The following COL5A3 variants were observed in gnomAD, a reference collection of about 807,000 sequenced individuals.
The protein encoded by COL5A3 is collagen alpha-3(V) chain.
In COL5A3, 172 loss-of-function variants were observed where a neutral mutation model predicts 250.0. The ratio of observed to expected loss-of-function variants is 0.69; its 90% confidence interval spans 0.61 to 0.78. The LOEUF (loss-of-function observed/expected upper bound fraction) is 0.78, where lower values mean the gene tolerates loss of function less well. COL5A3 is among the 30% of genes least tolerant of loss of function. The probability of loss-of-function intolerance (pLI) is 0.00; values close to 1 mark genes in which losing one functional copy is unlikely to be tolerated. For missense variants in COL5A3, 2,340 were observed against 2,334.4 expected (o/e 1.00, Z -0.05); for synonymous variants, 937 against 900.4 (o/e 1.04, Z -0.73).
intron 8 of COL5A3, 99 bp downstream of exon 8, chr19:10,001,425 G>A: frequency 8.1e-7 from 1 of 1,239,714 alleles, no homozygotes; most frequent in Non-Finnish European, 1.1e-6. Context: ...CGGATTACAG[G>A]CGGGAGCCAC....
chr19:9,981,871 T>TA (rs1387093588), intron 32 of COL5A3, among the ~76,000 whole-genome samples, 194 bp downstream of exon 32: 15 of 152,208 alleles, frequency 9.9e-5, no homozygotes, highest in African/African-American at 3.6e-4. Flanking sequence ...TACATGTGCT[T>TA]ACAGTCATAT....
chr19:9,966,939 C>G (rs1490301066), intron 62 of COL5A3, among the ~76,000 whole-genome samples, 193 bp from the exon 63 acceptor site: 4 of 151,840 alleles, frequency 2.6e-5, no homozygotes, highest in African/African-American at 4.8e-5. Flanking sequence ...AAGAGAGAGA[C>G]AGATTCAGAG....
rs370497270 is a variant in COL5A3, at chr19:10,009,496, G to A, written c.88+802C>T. Among the ~76,000 whole-genome samples, 3 of 151,968 alleles carry A rather than the reference G, an allele frequency of 2.0e-5. No individual in the cohort carries two copies. The highest frequency in any genetic ancestry group is 6.6e-5 in the Admixed American group (1 of 15,266). On this transcript the variant is annotated intron_variant, in intron 1 of 66. Coordinates refer to ENST00000264828, the MANE Select transcript of COL5A3 (RefSeq NM_015719.4). This position sits in a 1 kb window ranked among gnomAD's most constrained non-coding sequence, Gnocchi z 4.4. ...GGCTCCAGCAGCTGGGGTGGGGAGGGGGGGAGCAACTTCCACTCCTGCCCC... is the reference window on the plus strand; with the variant it reads ...GGCTCCAGCAGCTGGGGTGGGGAGGAGGGGAGCAACTTCCACTCCTGCCCC...
chr19:9,996,246 G>T lies in COL5A3; in HGVS notation c.1439C>A (p.Pro480His), dbSNP rs750192903. ...CCCAGTGAGCCCCACTGGACCAGGGGGGCCTTTCATAGAGAGCTGGAAAGA... is the reference window on the plus strand; with the variant it reads ...CCCAGTGAGCCCCACTGGACCAGGGTGGCCTTTCATAGAGAGCTGGAAAGA... ...LQQTQLSMKGPPGPVGLTGRP... is the reference protein window; with the variant it reads ...LQQTQLSMKGHPGPVGLTGRP... The change falls in exon 14 of 67, where the codon CCC becomes CAC. Residue 480 changes from proline (P) to histidine (H), a missense_variant. Pro to His is a moderately conservative substitution (Grantham distance 77, BLOSUM62 -2). Around this residue, in one of 3 missense-constraint regions of COL5A3, gnomAD observed 1,152 missense variants for 1,146.3 expected, o/e 1.00. Transcript: ENST00000264828. The T allele has an allele frequency of 1.5e-5, 24 of 1,575,124 alleles. No homozygotes were observed. Among genetic ancestry groups the T allele is most frequent in the Non-Finnish European group, 2.0e-5 (23 of 1,163,100 alleles).
chr19:9,979,825 G>C lies in COL5A3; in HGVS notation c.2712+14C>G. 1.3e-6 allele frequency: 2 copies of C among 1,570,350 alleles called. No homozygotes were observed. Among genetic ancestry groups the C allele is most frequent in the Non-Finnish European group, 1.7e-6 (2 of 1,157,942 alleles). ...AAAAAAGGATCAGGAATCAAAGGTTGAGGGGTTACTCACCAGTTCTCCTCT... is the reference window on the plus strand; with the variant it reads ...AAAAAAGGATCAGGAATCAAAGGTTCAGGGGTTACTCACCAGTTCTCCTCT... On this transcript the variant is annotated intron_variant, in intron 37 of 66. Coordinates refer to ENST00000264828, the MANE Select transcript of COL5A3 (RefSeq NM_015719.4).
At chr19:9,991,554 A>G in intron 24 of COL5A3, 56 bp downstream of exon 24, 1 of 1,453,506 alleles carries the variant, frequency 6.9e-7, no homozygotes, top group Non-Finnish European at 9.4e-7. Flanking sequence ...TTTCCTGGCA[A>G]CAGAGTTGAA....
rs1329104949 is a variant in COL5A3 at position 9,971,202 on chromosome 19, C to A, written c.3828+3G>T. On this transcript the variant is annotated splice_donor_region_variant and intron_variant, in intron 52 of 66. Coordinates refer to ENST00000264828, the MANE Select transcript of COL5A3 (RefSeq NM_015719.4). ...CCAGGATTGGGGAGGGGGTCACACT[C>A]ACTGAAACTCCAGGGTCTCCTGGGG... The A allele has an allele frequency of 6.4e-7, 1 of 1,562,408 alleles. No individual in the cohort carries two copies. The highest frequency in any genetic ancestry group is 8.6e-7 in the Non-Finnish European group (1 of 1,162,206).
intron 27 of COL5A3, among the ~76,000 whole-genome samples, chr19:9,987,607 G>A (rs774315578): frequency 6.6e-5 from 10 of 151,868 alleles, no homozygotes; most frequent in Non-Finnish European, 1.5e-4. Context: ...AAAGGTAGCC[G>A]GATGTGGTGA....
At chr19:9,997,933 C>G (rs374897148) in intron 10 of COL5A3, 51 bp downstream of exon 10, 1 of 1,604,736 alleles carries the variant, frequency 6.2e-7, no homozygotes, top group African/African-American at 1.3e-5. Flanking sequence ...GATTAAACAC[C>G]CCTCAGCTGG....
Position 10,005,901 on chromosome 19 carries a change from T to A in COL5A3, c.332A>T (p.Asp111Val), listed in dbSNP as rs1180048834. The A allele has an allele frequency of 6.2e-7, 1 of 1,613,858 alleles. No homozygotes were observed. Among genetic ancestry groups the A allele is most frequent in the Non-Finnish European group, 8.5e-7 (1 of 1,180,024 alleles). Residue 111 changes from aspartate (D) to valine (V), a missense_variant, in exon 3 of 67, where the codon GAT becomes GTT. Coordinates refer to ENST00000264828, the MANE Select transcript of COL5A3 (RefSeq NM_015719.4). ...GCCCAACTGCCGGGCACCCCTTTCA[T>A]CATAAATGGACAGCAGGACAGACTG... ...ANQSVLLSIY[D>V]ERGARQLGLA...
intron 8 of COL5A3, among the ~76,000 whole-genome samples, chr19:9,999,095 C>G (rs2087315909): frequency 1.3e-5 from 2 of 150,012 alleles, no homozygotes. Context: ...TTCAGAGTCA[C>G]TCTATTGCCC....
intron 56 of COL5A3, 41 bp downstream of exon 56, chr19:9,969,534 G>A (rs75535088): frequency 6.3e-7 from 1 of 1,599,412 alleles, no homozygotes; most frequent in Non-Finnish European, 8.5e-7. Flanking sequence ...ACAGAGAGGA[G>A]CTGGATCCAC....
chr19:9,962,274 T>G (rs971355297), intron 65 of COL5A3, among the ~76,000 whole-genome samples: 1 of 152,046 alleles, frequency 6.6e-6, no homozygotes. Flanking sequence ...GTCTGGCTAA[T>G]TTTTTGTATT....
In COL5A3 at chr19:9,974,283, C is replaced by T; in HGVS notation, c.3450+18G>A. ...GTAGGGAGAATCAGAAGTGCCACCC[C>T]CAAACCCAGACACCCACCTGCAGTC... On this transcript the variant is annotated intron_variant, in intron 46 of 66. Transcript: ENST00000264828. 6.2e-7 allele frequency: 1 copy of T among 1,610,340 alleles called. No individual in the cohort carries two copies. Among genetic ancestry groups the T allele is most frequent in the Non-Finnish European group, 8.5e-7 (1 of 1,178,008 alleles).
intron 51 of COL5A3, 53 bp downstream of exon 51, chr19:9,972,866 G>A: frequency 7.5e-7 from 1 of 1,340,540 alleles, no homozygotes; most frequent in Non-Finnish European, 1.0e-6. Flanking sequence ...AGAGCTTCAA[G>A]TACATTCAAG....
chr19:9,996,972 G>A, intron 11 of COL5A3: 1 of 534,160 alleles, frequency 1.9e-6, no homozygotes, highest in Non-Finnish European at 3.3e-6. Flanking sequence ...GAGACAGAGA[G>A]AGATAGACAG....
intron 51 of COL5A3, among the ~76,000 whole-genome samples, chr19:9,971,554 C>T (rs892000146): frequency 2.8e-4 from 43 of 152,020 alleles, no homozygotes; most frequent in African/African-American, 1.0e-3. Flanking sequence ...TCTATTCATT[C>T]ATTCACTCAT....
At position 9,960,187 on chromosome 19, in the gene COL5A3, G is replaced by T. The variant is rs1372047389; in HGVS notation, c.*224C>A. 2.4e-5 allele frequency: 14 copies of T among 595,730 alleles called. No individual in the cohort carries two copies. The East Asian group carries it at 4.0e-4, about 17-fold the overall frequency. 36.9% of individuals were successfully genotyped at this position (595,730 alleles called of 1,614,324 possible). On this transcript the variant is annotated 3_prime_UTR_variant, in exon 67 of 67. Transcript: ENST00000264828. ...GGAGGGGAGAAAGAGCCAGACTGCA[G>T]TATGCCACCTGGAATGGGGTGAGAG...
At chr19:9,974,627 C>A (rs186556935) in intron 45 of COL5A3, among the ~76,000 whole-genome samples, 1 of 151,960 alleles carries the variant, frequency 6.6e-6, no homozygotes, top group South Asian at 2.1e-4. Context: ...GTCGGATTTG[C>A]AGTTGAGGTT....
Sources: gnomAD v4.1 joint callset for allele counts (sites outside exome capture counted in the v4.1 genomes callset) on GRCh38, gnomAD v4.1.1 for gene constraint, gnomAD v4.1.1 regional missense constraint, Gnocchi (gnomAD v3.1) non-coding constraint, MANE v1.5 for transcripts, NCBI Gene and HGNC (gene_info 2026-07-23, HGNC 2026-07-21) for gene names.